The following ZFP62 variants were observed in gnomAD, a reference collection of about 807,000 sequenced individuals.
ZFP62 encodes the protein zinc finger protein 62 homolog.
In ZFP62, 44 loss-of-function variants were observed where a neutral mutation model predicts 56.4. The ratio of observed to expected loss-of-function variants is 0.78; its 90% CI spans 0.61 to 1.00. The LOEUF (loss-of-function observed/expected upper bound fraction) is 1.00, where lower values mean the gene tolerates loss of function less well. Ranked by LOEUF, ZFP62 falls within the 50% of genes least tolerant of loss-of-function variation. ZFP62 has a pLI of 0.00. For missense variants in ZFP62, 1,030 were observed against 1,085.7 expected (o/e 0.95, Z 0.72); for synonymous variants, 421 against 388.9 (o/e 1.08, Z -0.97).
chr5:180,857,593 G>A (rs1718326527), intron 1 of ZFP62, among the ~76,000 whole-genome samples: 1 of 152,122 alleles, frequency 6.6e-6, no homozygotes, highest in African/African-American at 2.4e-5. Flanking sequence ...CACCACCCAG[G>A]TTCAAGCGAT....
chr5:180,860,166 A>C (rs1244231853), intron 1 of ZFP62, among the ~76,000 whole-genome samples: 2 of 152,308 alleles, frequency 1.3e-5, no homozygotes, highest in East Asian at 3.9e-4. Flanking sequence ...AAAAAGGGGG[A>C]ACTAACTAGT....
chr5:180,858,794 G>A (rs1212956601), intron 1 of ZFP62, among the ~76,000 whole-genome samples: 1 of 152,088 alleles, frequency 6.6e-6, no homozygotes, highest in East Asian at 1.9e-4. Flanking sequence ...TCCATATAAA[G>A]ACCCAGAAAC....
chr5:180,856,073 T>C (rs949608851), intron 1 of ZFP62, among the ~76,000 whole-genome samples: 1 of 152,226 alleles, frequency 6.6e-6, no homozygotes, highest in African/African-American at 2.4e-5. Flanking sequence ...TCCTCTGGGA[T>C]TCCATGTTAG....
rs1773483117 is a variant in ZFP62, at chr5:180,848,134, C to G, written c.*658G>C. 1.0e-6 allele frequency: 1 copy of G among 985,258 alleles called. No homozygotes were observed. Among genetic ancestry groups the G allele is most frequent in the African/African-American group, 1.7e-5 (1 of 57,224 alleles). 61.0% of individuals were successfully genotyped at this position (985,258 alleles called of 1,614,324 possible). A position where few individuals can be genotyped will look rare whatever the true frequency, so the allele number is the denominator to read the frequency against. On this transcript the variant is annotated 3_prime_UTR_variant, in exon 2 of 2. Transcript: ENST00000502412. ...TAATGTATCACAATAGTACGTTCATCAATTTGCATTTTTTATGAGTGACTC... is the reference window on the plus strand; with the variant it reads ...TAATGTATCACAATAGTACGTTCATGAATTTGCATTTTTTATGAGTGACTC...
downstream of ZFP62, among the ~76,000 whole-genome samples, chr5:180,845,030 G>T (rs147089782): frequency 2.5e-3 from 380 of 152,156 alleles, 2 homozygotes; most frequent in African/African-American, 8.5e-3. Context: ...CTTTACAAAA[G>T]ACAGGTGAGG....
the ZFP62 span, among the ~76,000 whole-genome samples, chr5:180,829,172 A>G: frequency 4.2e-3 from 580 of 136,476 alleles, 5 homozygotes; most frequent in African/African-American, 0.018. Context: ...TTTCCTCAGA[A>G]GCATGTGATC....
intron 1 of ZFP62, among the ~76,000 whole-genome samples, chr5:180,859,105 G>A (rs2127377): frequency 0.69 from 104,036 of 151,454 alleles, 37,639 homozygotes; most frequent in East Asian, 0.96. Flanking sequence ...GAGACAACTC[G>A]TTAGAGAGGA....
downstream of ZFP62, among the ~76,000 whole-genome samples, chr5:180,844,395 GCTTTGCCCTGCC>G (rs1773371415): frequency 6.6e-6 from 1 of 152,200 alleles, no homozygotes; most frequent in South Asian, 2.1e-4. Flanking sequence ...CCTCTCTGGG[GCTTTGCCCTGCC>G]CACCCCAGGA....
downstream of ZFP62, among the ~76,000 whole-genome samples, chr5:180,847,203 T>C (rs1217469963): frequency 2.6e-5 from 4 of 152,252 alleles, no homozygotes; most frequent in Non-Finnish European, 5.9e-5. Context: ...CTTTGCTGAT[T>C]GGCCCACTCA....
At chr5:180,859,813 C>T (rs1774209701) in intron 1 of ZFP62, among the ~76,000 whole-genome samples, 1 of 152,206 alleles carries the variant, frequency 6.6e-6, no homozygotes, top group Non-Finnish European at 1.5e-5. Flanking sequence ...TTGATAACGA[C>T]TTGTCATATG....
At chr5:180,847,608 C>A (rs1773450468), downstream of ZFP62, 1 of 985,280 alleles carries the variant, frequency 1.0e-6, no homozygotes, top group South Asian at 4.7e-5. Context: ...AACTCACAGC[C>A]CGTTTTGATT....
intron 1 of ZFP62, among the ~76,000 whole-genome samples, chr5:180,855,435 C>G (rs534544396): frequency 6.6e-6 from 1 of 152,290 alleles, no homozygotes; most frequent in African/African-American, 2.4e-5. Flanking sequence ...ACTGCATTAG[C>G]GTCTTCAGGC....
rs1010211762 is a variant in ZFP62 at position 180,851,143 on chromosome 5, G to A, written c.352C>T (p.Arg118Cys). 28 of 1,551,590 alleles carry A rather than the reference G, an allele frequency of 1.8e-5. No individual in the cohort carries two copies. The highest frequency in any genetic ancestry group is 8.2e-5 in the African/African-American group (6 of 73,042). Residue 118 changes from arginine to cysteine, a missense_variant, in exon 2 of 2, where the codon CGT becomes TGT. Transcript: ENST00000502412. ...IGQRGSEQGKRVENINGTSYP... is the reference protein window; with the variant it reads ...IGQRGSEQGKCVENINGTSYP... ...GAGGTTCCATTAATGTTCTCCACAC[G>A]TTTGCCTTGCTCACTGCCTCTCTGT...
At chr5:180,829,499 T>C in the ZFP62 span, among the ~76,000 whole-genome samples, 466 of 152,330 alleles carry the variant, frequency 3.1e-3, 4 homozygotes, top group African/African-American at 8.1e-3. Flanking sequence ...AGCTGTAAAA[T>C]TCCGCTCTTT....
Position 180,850,399 on chromosome 5 carries a change from C to T in ZFP62, c.1096G>A (p.Glu366Lys), listed in dbSNP as rs1340654474. Reference protein sequence around the residue: ...KVIHTGEKPYECDECGKAFRN... With the variant: ...KVIHTGEKPYKCDECGKAFRN... ...AAAGCCTTCCCACATTCATCACATT[C>T]ATAAGGTTTCTCTCCAGTGTGGATG... Residue 366 changes from glutamate (E) to lysine (K), a missense_variant, in exon 2 of 2, where the codon GAA becomes AAA. Glu to Lys is a moderately conservative substitution (Grantham distance 56, BLOSUM62 1). Coordinates refer to ENST00000502412, the MANE Select transcript of ZFP62 (RefSeq NM_001172638.2). 7.7e-6 allele frequency: 12 copies of T among 1,560,452 alleles called. No homozygotes were observed. Among genetic ancestry groups the T allele is most frequent in the Non-Finnish European group, 8.7e-6 (10 of 1,152,204 alleles).
rs1407433201 is a variant in ZFP62, at chr5:180,848,619, C to T, written c.*173G>A. Reference sequence around the variant, plus strand: ...CTGTAAGAGCTGAACTACCTTGACACTGGAGCCTTTCTTGCTTGCTATGAT... The same window carrying T: ...CTGTAAGAGCTGAACTACCTTGACATTGGAGCCTTTCTTGCTTGCTATGAT... On this transcript the variant is annotated 3_prime_UTR_variant, in exon 2 of 2. Coordinates refer to ENST00000502412, the MANE Select transcript of ZFP62 (RefSeq NM_001172638.2). 7.3e-7 allele frequency: 1 copy of T among 1,364,712 alleles called. No homozygotes were observed. The highest frequency in any genetic ancestry group is 2.6e-5 in the East Asian group (1 of 39,146). The allele number at this position is 1,364,712 out of a possible 1,614,324, so 84.5% of individuals were successfully genotyped here.
the ZFP62 span, among the ~76,000 whole-genome samples, chr5:180,838,366 A>G: frequency 6.6e-6 from 1 of 152,084 alleles, no homozygotes; most frequent in Non-Finnish European, 1.5e-5. Flanking sequence ...TTGAAAAGTC[A>G]TGAAAGTTGA....
downstream of ZFP62, among the ~76,000 whole-genome samples, chr5:180,845,006 G>A (rs762671713): frequency 2.6e-5 from 4 of 152,032 alleles, no homozygotes; most frequent in Admixed American, 1.3e-4. Context: ...ACAACCTGAG[G>A]TTGCTACTAT....
intron 1 of ZFP62, among the ~76,000 whole-genome samples, chr5:180,852,620 T>G (rs1001315333): frequency 2.0e-5 from 3 of 148,062 alleles, no homozygotes; most frequent in African/African-American, 7.4e-5. Flanking sequence ...ATGAATAAAC[T>G]CCATATGGAA....
Sources: gnomAD v4.1 joint callset for allele counts (sites outside exome capture counted in the v4.1 genomes callset) on GRCh38, gnomAD v4.1.1 for gene constraint, MANE v1.5 for transcripts, NCBI Gene and HGNC (gene_info 2026-07-23, HGNC 2026-07-21) for gene names.